The following GLCCI1 variants were observed in gnomAD, a reference collection of about 807,000 sequenced individuals.
The protein encoded by GLCCI1 is glucocorticoid induced 1.
GLCCI1 carries 24 observed loss-of-function variants against 52.2 expected under a neutral mutation model. That is an observed-to-expected ratio of 0.46 (90% confidence interval 0.33 to 0.65). The LOEUF is 0.65. Among genes scored for constraint, GLCCI1 ranks in the 30% least tolerant of loss-of-function variants. GLCCI1 has a pLI of 0.02. For synonymous variants in GLCCI1, 310 were observed against 276.5 expected (o/e 1.12, Z -1.20); for missense variants, 704 against 701.5 (o/e 1.00, Z -0.04).
At chr7:8,017,285 G>A (rs955045569) in intron 2 of GLCCI1, among the ~76,000 whole-genome samples, 3 of 152,108 alleles carry the variant, frequency 2.0e-5, no homozygotes, top group African/African-American at 7.2e-5. Context: ...CTGATTTTCT[G>A]TCAGATGTAA....
At chr7:8,024,065 T>C (rs1781559857) in intron 3 of GLCCI1, among the ~76,000 whole-genome samples, 1 of 152,090 alleles carries the variant, frequency 6.6e-6, no homozygotes, top group Non-Finnish European at 1.5e-5. Context: ...TCTAAGTCTT[T>C]TAAAGGCTAG....
intron 1 of GLCCI1, among the ~76,000 whole-genome samples, chr7:7,985,020 A>G (rs1780694551): frequency 1.3e-5 from 2 of 152,202 alleles, no homozygotes; most frequent in Admixed American, 1.3e-4. Flanking sequence ...CCAGCCTCAT[A>G]TTTCTGTCCT....
intron 1 of GLCCI1, among the ~76,000 whole-genome samples, chr7:7,975,079 A>G (rs1025987947): frequency 1.3e-5 from 2 of 152,196 alleles, no homozygotes; most frequent in African/African-American, 4.8e-5. Context: ...TGGAAGGCAG[A>G]TACTACCTGT....
intron 2 of GLCCI1, among the ~76,000 whole-genome samples, chr7:8,020,552 G>A (rs1448744628): frequency 2.0e-5 from 3 of 152,170 alleles, no homozygotes; most frequent in Non-Finnish European, 4.4e-5. Flanking sequence ...TGAAGCAGTT[G>A]CAGAATTTTT....
intron 4 of GLCCI1, among the ~76,000 whole-genome samples, chr7:8,056,025 C>G (rs1271935299): frequency 6.9e-6 from 1 of 145,224 alleles, no homozygotes; most frequent in Non-Finnish European, 1.5e-5. Context: ...CAGCCAGGGG[C>G]AGTGGCTCAC....
chr7:7,978,858 A>T (rs73049256), intron 1 of GLCCI1, among the ~76,000 whole-genome samples: 5,588 of 152,282 alleles, frequency 0.037, 143 homozygotes, highest in Non-Finnish European at 0.056. Flanking sequence ...CAAACTTGTG[A>T]AGTGATCTTT....
At chr7:7,992,257 A>G (rs1042867978) in intron 1 of GLCCI1, among the ~76,000 whole-genome samples, 4 of 151,788 alleles carry the variant, frequency 2.6e-5, no homozygotes, top group African/African-American at 9.7e-5. Context: ...CTATCCTTCT[A>G]TGGTCATTTA....
Position 7,969,388 on chromosome 7 carries a change from C to G in GLCCI1, c.38C>G (p.Ser13Cys). 1 of 1,462,188 alleles carries G rather than the reference C, an allele frequency of 6.8e-7. No homozygotes were observed. Among genetic ancestry groups the G allele is most frequent in the Non-Finnish European group, 9.0e-7 (1 of 1,106,880 alleles). 90.6% of individuals were successfully genotyped at this position (1,462,188 alleles called of 1,614,324 possible). Residue 13 changes from serine (S) to cysteine (C), a missense_variant, in exon 1 of 8, where the codon TCT (serine) becomes TGT (cysteine). By Grantham distance (112) the Ser-to-Cys change is moderately radical. This residue lies in a region of GLCCI1 where 547 missense variants were observed against 524.8 expected (regional missense o/e 1.04). Transcript: ENST00000223145. This position sits in a 1 kb window ranked among gnomAD's most constrained non-coding sequence, Gnocchi z 4.9. ...TASSSSSSSSSQTPHPPSQRM... is the reference protein window; with the variant it reads ...TASSSSSSSSCQTPHPPSQRM... The stretch of plus-strand genomic sequence containing the variant: ...TCCTCCTCCTCCTCCTCCAGTTCCT[C>G]TCAGACCCCTCATCCCCCGTCGCAG...
chr7:8,010,415 A>T (rs76502397), intron 2 of GLCCI1, among the ~76,000 whole-genome samples: 150 of 152,312 alleles, frequency 9.8e-4, no homozygotes, highest in African/African-American at 3.5e-3. Flanking sequence ...CTAAACATCG[A>T]ATTTCCACTT....
chr7:8,058,841 G>A (rs1782456202), intron 4 of GLCCI1, among the ~76,000 whole-genome samples: 1 of 152,164 alleles, frequency 6.6e-6, no homozygotes, highest in Admixed American at 6.5e-5. Context: ...ACAGCGTACT[G>A]TTGCACAGAA....
At chr7:8,076,966 T>G (rs573321659) in intron 6 of GLCCI1, among the ~76,000 whole-genome samples, 6 of 152,230 alleles carry the variant, frequency 3.9e-5, no homozygotes, top group African/African-American at 1.4e-4. Context: ...TTATGAAGAG[T>G]GTGTGATACT....
At chr7:7,990,441 A>G (rs1173517519) in intron 1 of GLCCI1, among the ~76,000 whole-genome samples, 2 of 152,048 alleles carry the variant, frequency 1.3e-5, no homozygotes, top group Non-Finnish European at 2.9e-5. Flanking sequence ...AATAAAGCAT[A>G]ATGCTATCCT....
chr7:7,982,218 T>C (rs1394552365), intron 1 of GLCCI1: 4 of 250,498 alleles, frequency 1.6e-5, no homozygotes, highest in Non-Finnish European at 3.2e-5. Flanking sequence ...TAAAGAAAAA[T>C]CTAAGTACAG....
At chr7:8,068,182 CTACTAAAAA>C (rs1782675445) in intron 5 of GLCCI1, among the ~76,000 whole-genome samples, 1 of 152,164 alleles carries the variant, frequency 6.6e-6, no homozygotes, top group East Asian at 1.9e-4. Context: ...AACCCCATCT[CTACTAAAAA>C]TACAAAACAT....
chr7:8,034,781 T>TTTGTTGAAA, intron 3 of GLCCI1, among the ~76,000 whole-genome samples: 1 of 152,086 alleles, frequency 6.6e-6, no homozygotes, highest in East Asian at 1.9e-4. Flanking sequence ...GACTTGCTAT[T>TTTGTTGAAA]TTGTTGAAAG....
intron 6 of GLCCI1, among the ~76,000 whole-genome samples, chr7:8,071,909 T>C (rs769154826): frequency 7.2e-5 from 11 of 152,198 alleles, no homozygotes; most frequent in Non-Finnish European, 1.5e-4. Context: ...CTATAAAAAG[T>C]TAGACAGTTT....
At chr7:8,013,077 C>T (rs916385616) in intron 2 of GLCCI1, among the ~76,000 whole-genome samples, 10 of 152,114 alleles carry the variant, frequency 6.6e-5, no homozygotes, top group East Asian at 1.9e-4. Flanking sequence ...ATCAATTTAC[C>T]GTATATGCTA....
chr7:7,988,848 C>G (rs4470926), intron 1 of GLCCI1, among the ~76,000 whole-genome samples: 1 of 152,152 alleles, frequency 6.6e-6, no homozygotes, highest in Non-Finnish European at 1.5e-5. Flanking sequence ...GCTGTAATTT[C>G]TGGCCCCCTT....
chr7:7,980,850 G>C (rs1331721305), intron 1 of GLCCI1: 1 of 659,658 alleles, frequency 1.5e-6, no homozygotes, highest in African/African-American at 1.8e-5. Context: ...ACCATATCAG[G>C]ATATCAGGAT....
Sources: gnomAD v4.1 joint callset for allele counts (sites outside exome capture counted in the v4.1 genomes callset) on GRCh38, gnomAD v4.1.1 for gene constraint, gnomAD v4.1.1 regional missense constraint, Gnocchi (gnomAD v3.1) non-coding constraint, MANE v1.5 for transcripts, NCBI Gene and HGNC (gene_info 2026-07-23, HGNC 2026-07-21) for gene names.